The following SUMF1 variants were observed in gnomAD, a reference collection of about 807,000 sequenced individuals.
SUMF1 encodes sulfatase modifying factor 1, also known as formylglycine-generating enzyme.
A neutral mutation model predicts 47.6 loss-of-function variants in SUMF1; 48 were observed. That is an observed-to-expected ratio of 1.01 (90% CI 0.80 to 1.28). SUMF1 has a LOEUF of 1.28. SUMF1 is among the 50% of genes most tolerant of loss of function. SUMF1 has a pLI of 0.00. For synonymous variants in SUMF1, 230 were observed against 192.1 expected, an observed-to-expected ratio of 1.20 and a Z score of -1.63; for missense variants, 571 against 485.4, an observed-to-expected ratio of 1.18 and a Z score of -1.66.
At chr3:4,316,791 A>C (rs1698675818) in intron 8 of SUMF1, 3 of 1,550,642 alleles carry the variant, frequency 1.9e-6, no homozygotes, top group African/African-American at 1.4e-5. Context: ...GGTCATGGTC[A>C]CTATTTGGTG....
At position 4,350,004 on chromosome 3, in the gene SUMF1, T is replaced by C. The variant is rs186268481; in HGVS notation, c.1014+26326A>G. 6.9e-3 allele frequency among the ~76,000 whole-genome samples: 1,021 copies of C among 148,244 alleles called. 12 individuals are homozygous for C. The highest frequency in any genetic ancestry group is 0.024 in the African/African-American group (989 of 40,608). On this transcript the variant is annotated intron_variant and NMD_transcript_variant, in intron 8 of 12. Transcript: ENST00000448413. ...TTGTATATATTACGTATTATTTTCT[T>C]TTTTTTTTTTTTCTGAGATGGAGTC...
In SUMF1 at chr3:4,347,741, T is replaced by G. The variant is rs1478199107; in HGVS notation, c.1014+28589A>C. Among the ~76,000 whole-genome samples the G allele has an allele frequency of 3.3e-5, 5 of 152,332 alleles. No homozygotes were observed. In the South Asian group the frequency reaches 1.0e-3, roughly 32 times the overall value. On this transcript the variant is annotated intron_variant and NMD_transcript_variant, in intron 8 of 12. Transcript: ENST00000448413. ...TCAATAGGAAGAGAGGAAGTCAGAT[T>G]GTCTCTGTTTGCAGGTGACATGATT... is the stretch of plus-strand genomic sequence containing the variant.
chr3:4,394,524 G>C (rs146679226), intron 7 of SUMF1, among the ~76,000 whole-genome samples: 52 of 152,286 alleles, frequency 3.4e-4, no homozygotes, highest in African/African-American at 1.2e-3. Context: ...TAATTCAAAG[G>C]TGTTAGATTA....
rs1699758848 is a variant in SUMF1, at chr3:4,361,593, T to C, written c.*551A>G. The stretch of plus-strand genomic sequence containing the variant: ...CACCACACCCCTCTTCCGAAAATAA[T>C]ACATAAGAGAACTCTTACTTTACAT... On this transcript the variant is annotated 3_prime_UTR_variant, in exon 9 of 9. Transcript: ENST00000272902. 1 of 160,098 alleles carries C rather than the reference T, an allele frequency of 6.2e-6. No homozygotes were observed. The highest frequency in any genetic ancestry group is 1.8e-4 in the East Asian group (1 of 5,572). 9.9% of individuals were successfully genotyped at this position (160,098 alleles called of 1,614,324 possible).
At chr3:4,063,542 C>T (rs1695314742) in intron 9 of SUMF1, among the ~76,000 whole-genome samples, 2 of 152,038 alleles carry the variant, frequency 1.3e-5, no homozygotes, top group South Asian at 4.1e-4. Context: ...TTCCCCAAAC[C>T]TGCTGAATAT....
chr3:4,288,376 T>G (rs1232901232), intron 8 of SUMF1, among the ~76,000 whole-genome samples: 1 of 152,186 alleles, frequency 6.6e-6, no homozygotes. Flanking sequence ...TTTAAAAAAA[T>G]TAATATTCCA....
intron 8 of SUMF1, among the ~76,000 whole-genome samples, chr3:4,332,590 G>A (rs1231948413): frequency 2.0e-5 from 3 of 152,158 alleles, no homozygotes; most frequent in Non-Finnish European, 4.4e-5. Context: ...TACAAAATGG[G>A]AATTTTCTTA....
At chr3:4,305,111 G>A (rs1023189144) in intron 8 of SUMF1, among the ~76,000 whole-genome samples, 4 of 151,686 alleles carry the variant, frequency 2.6e-5, no homozygotes, top group African/African-American at 4.8e-5. Context: ...TTTTTGAGAC[G>A]GAGCTTGACT....
chr3:4,381,822 A>T (rs1025999575), intron 7 of SUMF1, among the ~76,000 whole-genome samples: 1 of 152,228 alleles, frequency 6.6e-6, no homozygotes, highest in Non-Finnish European at 1.5e-5. Context: ...GTATGGGAAG[A>T]TTGCTTGAGC....
chr3:4,294,607 C>A (rs1183195542), intron 8 of SUMF1, among the ~76,000 whole-genome samples: 4 of 152,154 alleles, frequency 2.6e-5, no homozygotes, highest in African/African-American at 9.7e-5. Flanking sequence ...ACAACAACAA[C>A]AAATGTTAAT....
At chr3:4,208,365 T>A (rs902244115) in intron 8 of SUMF1, among the ~76,000 whole-genome samples, 1 of 150,374 alleles carries the variant, frequency 6.7e-6, no homozygotes, top group Non-Finnish European at 1.5e-5. Flanking sequence ...TCCCTCCCTA[T>A]AAAACTTACC....
chr3:4,144,304 C>T (rs552206644), intron 8 of SUMF1, among the ~76,000 whole-genome samples: 1 of 151,810 alleles, frequency 6.6e-6, no homozygotes, highest in African/African-American at 2.4e-5. Context: ...GAAACAAGGC[C>T]AAAGAAAAGA....
At chr3:4,329,999 G>C (rs1357873963) in intron 8 of SUMF1, among the ~76,000 whole-genome samples, 1 of 151,848 alleles carries the variant, frequency 6.6e-6, no homozygotes, top group African/African-American at 2.4e-5. Flanking sequence ...TCTAATGCAG[G>C]GTCAAAATGC....
chr3:4,050,778 GA>G (rs1695096569), intron 9 of SUMF1, among the ~76,000 whole-genome samples: 1 of 144,958 alleles, frequency 6.9e-6, no homozygotes, highest in African/African-American at 2.6e-5. Flanking sequence ...AAAGAAAAAA[GA>G]AAAGAAAAAG....
At chr3:4,245,140 A>G (rs749417565) in intron 8 of SUMF1, among the ~76,000 whole-genome samples, 4 of 152,068 alleles carry the variant, frequency 2.6e-5, no homozygotes, top group African/African-American at 4.8e-5. Flanking sequence ...CCATTCATCT[A>G]ACCTTTTTTC....
chr3:4,312,101 A>G (rs187378208), intron 8 of SUMF1, among the ~76,000 whole-genome samples: 28 of 152,290 alleles, frequency 1.8e-4, no homozygotes, highest in African/African-American at 5.8e-4. Flanking sequence ...TTACAAGTGT[A>G]TATCTTTAAT....
chr3:4,050,006 C>T (rs773224075), intron 9 of SUMF1, among the ~76,000 whole-genome samples: 6 of 152,008 alleles, frequency 3.9e-5, no homozygotes, highest in East Asian at 1.9e-4. Flanking sequence ...TCTCAGCATT[C>T]GGATGGCCCT....
intron 8 of SUMF1, among the ~76,000 whole-genome samples, chr3:4,137,151 T>G (rs1693952729): frequency 6.6e-6 from 1 of 152,110 alleles, no homozygotes; most frequent in Admixed American, 6.6e-5. Flanking sequence ...TAAATCATGC[T>G]GCTATAAAGA....
intron 8 of SUMF1, among the ~76,000 whole-genome samples, chr3:4,086,853 T>C (rs1692682967): frequency 6.6e-6 from 1 of 152,094 alleles, no homozygotes; most frequent in Non-Finnish European, 1.5e-5. Flanking sequence ...TTGGCTGTCA[T>C]TTCTGTCTTG....
Sources: allele counts gnomAD v4.1 joint callset (sites outside exome capture counted in the v4.1 genomes callset), GRCh38; gene constraint gnomAD v4.1.1; transcripts MANE v1.5; gene names NCBI Gene and HGNC (gene_info 2026-07-23, HGNC 2026-07-21).